The following ATP2B3 variants were observed in gnomAD, a reference collection of about 807,000 sequenced individuals.
ATP2B3 encodes plasma membrane calcium-transporting ATPase 3.
ATP2B3 carries 12 observed loss-of-function variants against 70.8 expected under a neutral mutation model. That is an observed-to-expected ratio of 0.17 (90% CI 0.11 to 0.27). The LOEUF is 0.27. Ranked by LOEUF, ATP2B3 falls within the 10% of genes least tolerant of loss-of-function variation. The pLI is 1.00. For missense variants in ATP2B3, 858 were observed against 1,118.5 expected (o/e 0.77, Z 3.32); for synonymous variants, 460 against 497.8 (o/e 0.92, Z 1.01).
At chrX:153,533,742 C>T (rs1046960231) in intron 2 of ATP2B3, among the ~76,000 whole-genome samples, 1 of 111,668 alleles carries the variant, frequency 9.0e-6, no homozygotes, top group South Asian at 3.8e-4. Flanking sequence ...TTGCCCACTG[C>T]CCTCCCCATG....
In ATP2B3 at chrX:153,580,960, C is replaced by T. The variant is rs1333855515; in HGVS notation, c.*662C>T. 1.8e-5 allele frequency: 2 copies of T among 112,215 alleles called. No individual in the cohort carries two copies. Among genetic ancestry groups the T allele is most frequent in the East Asian group, 5.6e-4 (2 of 3,551 alleles). 9.2% of individuals were successfully genotyped at this position (112,215 alleles called of 1,213,427 possible). On this transcript the variant is annotated 3_prime_UTR_variant, in exon 22 of 22. Transcript: ENST00000263519. The stretch of plus-strand genomic sequence containing the variant: ...GTGTATGTGTGTGGATCTGTACACA[C>T]ACACGTATATATGGCCAGATGCGTA...
chrX:153,561,669 C>G (rs1230606908), intron 19 of ATP2B3, among the ~76,000 whole-genome samples: 2 of 112,043 alleles, frequency 1.8e-5, no homozygotes, highest in East Asian at 5.6e-4. Context: ...GGTACCTGGT[C>G]CTGGGTAATG....
Position 153,549,935 on chromosome X carries a change from C to T in ATP2B3, c.1582-110C>T. The T allele has an allele frequency of 2.7e-6, 3 of 1,129,990 alleles. No individual in the cohort carries two copies. The South Asian group carries it at 6.4e-5, about 24-fold the overall frequency. 93.1% of individuals were successfully genotyped at this position (1,129,990 alleles called of 1,213,427 possible). ...GCCGACCTTCCTCTGCTCCCTGCCG[C>T]CCACACCCTAACAATGTGGTGACCA... On this transcript the variant is annotated intron_variant, in intron 11 of 21. Coordinates refer to ENST00000263519, the MANE Select transcript of ATP2B3 (RefSeq NM_001001344.3).
intron 2 of ATP2B3, among the ~76,000 whole-genome samples, chrX:153,534,984 GT>G (rs1326469489): frequency 1.8e-5 from 2 of 112,662 alleles, no homozygotes; most frequent in East Asian, 2.8e-4. Context: ...AGAGACGGGG[GT>G]TCAGGGCCCT....
At position 153,548,687 on chromosome X, in the gene ATP2B3, G is replaced by C. The variant is rs955565897; in HGVS notation, c.1171G>C (p.Val391Leu). 1.7e-6 allele frequency: 2 copies of C among 1,209,490 alleles called. No homozygotes were observed. The highest frequency in any genetic ancestry group is 3.5e-5 in the African/African-American group (2 of 56,894). ...CGTCATCATCCTGGTCCTCTACTTT[G>C]TGATTGAGACGTTTGTCGTGGAAGG... The part of the protein sequence containing the change: ...ITVIILVLYF[V>L]IETFVVEGRT... Residue 391 changes from valine to leucine, a missense_variant, in exon 10 of 22, where the codon GTG becomes CTG. Transcript: ENST00000263519.
At chrX:153,541,280 C>A in intron 3 of ATP2B3, 79 bp from the exon 4 acceptor site, 1 of 1,145,782 alleles carries the variant, frequency 8.7e-7, no homozygotes. Flanking sequence ...CAGTCAGGGC[C>A]ACATAGGAGG....
intron 9 of ATP2B3, 39 bp from the exon 10 acceptor site, chrX:153,548,601 C>G (rs782061335): frequency 8.7e-7 from 1 of 1,145,653 alleles, no homozygotes; most frequent in Non-Finnish European, 1.2e-6. Flanking sequence ...TTCCCTCACC[C>G]GTGGCAACCC....
intron 13 of ATP2B3, among the ~76,000 whole-genome samples, chrX:153,555,822 G>T (rs1569534970): frequency 1.8e-5 from 2 of 112,913 alleles, no homozygotes; most frequent in African/African-American, 3.2e-5. Context: ...AGGATTCAAT[G>T]AGTTACATGA....
rs1335020998 is a variant in ATP2B3 at position 153,570,179 on chromosome X, G to A, written c.3342+5076G>A. On this transcript the variant is annotated intron_variant, in intron 21 of 21. Transcript: ENST00000263519. The stretch of plus-strand genomic sequence containing the variant: ...CACGCGGGCTCAGGGCCGCCTTCCC[G>A]GGGCTGGAGGGGTGGCGGGTGCCTT... Among the ~76,000 whole-genome samples, 5 of 112,559 alleles carry A rather than the reference G, an allele frequency of 4.4e-5. No homozygotes were observed. In the Admixed American group the frequency reaches 4.7e-4, roughly 11 times the overall value.
At chrX:153,575,749 G>A (rs1557021210) in intron 21 of ATP2B3, among the ~76,000 whole-genome samples, 1 of 112,406 alleles carries the variant, frequency 8.9e-6, no homozygotes, top group Non-Finnish European at 1.9e-5. Flanking sequence ...GGAAGGCCGA[G>A]AGCCAGAAGA....
chrX:153,565,109 C>A lies in ATP2B3; in HGVS notation c.3342+6C>A, dbSNP rs1557017759. ...TGAACCGGATTCAGACGCAGGTAAG[C>A]CCCGACTCGCTCTCGCCCTGGCACT... On this transcript the variant is annotated splice_donor_region_variant and intron_variant, in intron 21 of 21. Transcript: ENST00000263519. 1 of 1,171,112 alleles carries A rather than the reference C, an allele frequency of 8.5e-7. No individual in the cohort carries two copies. The highest frequency in any genetic ancestry group is 1.9e-5 in the South Asian group (1 of 52,479).
chrX:153,548,989 G>T (rs2090413411), intron 10 of ATP2B3, 135 bp downstream of exon 10: 3 of 611,249 alleles, frequency 4.9e-6, no homozygotes, highest in Non-Finnish European at 7.5e-6. Flanking sequence ...GCCGAGCAGG[G>T]ACCCAGGGGG....
intron 8 of ATP2B3, among the ~76,000 whole-genome samples, chrX:153,546,699 C>G (rs375390307): frequency 1.8e-5 from 2 of 113,086 alleles, no homozygotes; most frequent in East Asian, 5.6e-4. Context: ...CCGTGGCCCA[C>G]GGAGGACAGG....
intron 2 of ATP2B3, among the ~76,000 whole-genome samples, chrX:153,521,502 C>T (rs1417883321): frequency 1.8e-5 from 2 of 112,549 alleles, no homozygotes; most frequent in Non-Finnish European, 3.8e-5. Flanking sequence ...GTTGGGGAAT[C>T]TTGGGACTGG....
chrX:153,569,552 T>G, intron 21 of ATP2B3: 1 of 1,188,540 alleles, frequency 8.4e-7, no homozygotes, highest in Non-Finnish European at 1.1e-6. Flanking sequence ...CCCTCCGTGA[T>G]AGCCTGGACA....
chrX:153,558,972 A>C (rs5945144), intron 17 of ATP2B3, among the ~76,000 whole-genome samples: 1 of 110,696 alleles, frequency 9.0e-6, no homozygotes, highest in South Asian at 3.8e-4. Context: ...GATTTTCTTC[A>C]CCCCGCCTTA....
chrX:153,553,237 G>A lies in ATP2B3; in HGVS notation c.2026G>A (p.Val676Ile). The change falls in exon 13 of 22, where the codon GTC becomes ATC. Residue 676 changes from valine (V) to isoleucine (I), a missense_variant. This residue lies in a region of ATP2B3 where 242 missense variants were observed against 281.3 expected (regional missense o/e 0.86). Coordinates refer to ENST00000263519, the MANE Select transcript of ATP2B3 (RefSeq NM_001001344.3). Reference protein sequence around the residue: ...EVVGDLTCIAVVGIEDPVRPE... With the variant: ...EVVGDLTCIAIVGIEDPVRPE... ...CGTGGGTGACCTCACCTGCATAGCTGTCGTGGGCATTGAGGACCCTGTGCG... is the reference window on the plus strand; with the variant it reads ...CGTGGGTGACCTCACCTGCATAGCTATCGTGGGCATTGAGGACCCTGTGCG... 2 of 1,208,849 alleles carry A rather than the reference G, an allele frequency of 1.7e-6. No individual in the cohort carries two copies. Among genetic ancestry groups the A allele is most frequent in the Non-Finnish European group, 2.2e-6 (2 of 893,286 alleles).
chrX:153,578,203 C>T (rs1437720925), intron 21 of ATP2B3, among the ~76,000 whole-genome samples: 1 of 112,518 alleles, frequency 8.9e-6, no homozygotes, highest in African/African-American at 3.2e-5. Flanking sequence ...CTCAGCAAGC[C>T]CTGACACCTT....
intron 8 of ATP2B3, 127 bp from the exon 9 acceptor site, chrX:153,547,708 T>C (rs1392633214): frequency 2.4e-6 from 2 of 839,191 alleles, no homozygotes; most frequent in Non-Finnish European, 3.2e-6. Flanking sequence ...GACTTGGAAA[T>C]AGGAGAGCTC....
Sources: allele counts gnomAD v4.1 joint callset (sites outside exome capture counted in the v4.1 genomes callset), GRCh38; gene constraint gnomAD v4.1.1; regional missense constraint gnomAD v4.1.1; transcripts MANE v1.5; gene names NCBI Gene and HGNC (gene_info 2026-07-23, HGNC 2026-07-21).